Variants in ERICH6B observed in about 807,000 individuals in gnomAD.
The protein encoded by ERICH6B is glutamate rich 6B.
Under a neutral mutation model 80.0 loss-of-function variants are expected in ERICH6B, and 69 were observed. The observed-to-expected ratio is 0.86, with a 90% confidence interval of 0.71 to 1.05. The LOEUF (loss-of-function observed/expected upper bound fraction) is 1.05. Among genes scored for constraint, ERICH6B ranks in the 50% least tolerant of loss-of-function variants. The probability of loss-of-function intolerance (pLI) is 0.00; values close to 1 mark genes in which losing one functional copy is unlikely to be tolerated. For missense variants in ERICH6B, 754 were observed against 796.1 expected (o/e 0.95, Z 0.64); for synonymous variants, 283 against 291.9 (o/e 0.97, Z 0.31).
intron 4 of ERICH6B, 84 bp downstream of exon 4, chr13:45,590,565 C>T: frequency 7.5e-7 from 1 of 1,336,532 alleles, no homozygotes; most frequent in East Asian, 2.5e-5. Flanking sequence ...ATGCCACTCC[C>T]TGTCCTGTGT....
At chr13:45,560,373 T>C (rs1184948490) in intron 11 of ERICH6B, among the ~76,000 whole-genome samples, 1 of 152,134 alleles carries the variant, frequency 6.6e-6, no homozygotes, top group Non-Finnish European at 1.5e-5. Flanking sequence ...AAAGTACAGT[T>C]TCCCATATAT....
intron 5 of ERICH6B, among the ~76,000 whole-genome samples, chr13:45,581,316 T>C (rs1875654828): frequency 6.6e-6 from 1 of 152,228 alleles, no homozygotes; most frequent in African/African-American, 2.4e-5. Flanking sequence ...GAATGCTAAA[T>C]ACATGTGTGT....
chr13:45,607,233 C>G (rs967780576), intron 2 of ERICH6B, among the ~76,000 whole-genome samples: 2 of 152,142 alleles, frequency 1.3e-5, no homozygotes, highest in African/African-American at 4.8e-5. Context: ...ACAAACTTAT[C>G]AGGAGGACTC....
chr13:45,580,166 C>T lies in ERICH6B; in HGVS notation c.920-192G>A, dbSNP rs530230002. Among the ~76,000 whole-genome samples, 25 of 152,224 alleles carry T rather than the reference C, an allele frequency of 1.6e-4. No homozygotes were observed. In the East Asian group the frequency reaches 4.3e-3, roughly 26 times the overall value. On this transcript the variant is annotated intron_variant, in intron 6 of 14. Coordinates refer to ENST00000298738, the MANE Select transcript of ERICH6B (RefSeq NM_182542.3). ...TTGGAGGCCCGCAGAACATGCTCAC[C>T]GAATATTGATTCCCCTCCCTTTATT... is the stretch of plus-strand genomic sequence containing the variant.
At chr13:45,552,179 G>A (rs1874249145) in intron 11 of ERICH6B, among the ~76,000 whole-genome samples, 1 of 152,210 alleles carries the variant, frequency 6.6e-6, no homozygotes, top group African/African-American at 2.4e-5. Context: ...ACTGGGGCAA[G>A]AGAACATAGC....
intron 9 of ERICH6B, among the ~76,000 whole-genome samples, chr13:45,564,139 T>A (rs906583511): frequency 1.3e-4 from 20 of 152,210 alleles, no homozygotes; most frequent in Admixed American, 1.1e-3. Context: ...ACAGATGGAT[T>A]TGATTTTCTG....
chr13:45,607,945 A>T (rs1306555322), intron 1 of ERICH6B, among the ~76,000 whole-genome samples: 1 of 152,208 alleles, frequency 6.6e-6, no homozygotes, highest in Non-Finnish European at 1.5e-5. Context: ...TTTTTGAGGG[A>T]AACAGTGATA....
chr13:45,609,494 CATA>C lies in ERICH6B; in HGVS notation c.-110-1882_-110-1880del, dbSNP rs1949887634. On this transcript the variant is annotated intron_variant, in intron 1 of 14. Transcript: ENST00000298738. Reference sequence around the variant, plus strand: ...TATTATCATGTTGTTTTAGTTTCCTCATAATATTTGTTACTCCTGAACATACCA... The same window carrying C: ...TATTATCATGTTGTTTTAGTTTCCTCATATTTGTTACTCCTGAACATACCA... 2.0e-5 allele frequency among the ~76,000 whole-genome samples: 3 copies of C among 152,244 alleles called. No homozygotes were observed. The South Asian group carries it at 6.2e-4, about 32-fold the overall frequency.
Position 45,587,250 on chromosome 13 carries a change from A to G in ERICH6B, c.687-18T>C. 1 of 1,550,860 alleles carries G rather than the reference A, an allele frequency of 6.4e-7. No homozygotes were observed. Among genetic ancestry groups the G allele is most frequent in the Non-Finnish European group, 8.7e-7 (1 of 1,146,582 alleles). On this transcript the variant is annotated intron_variant, in intron 4 of 14. Transcript: ENST00000298738. ...CTGGACTCCTGTCAGAGGGGAGAAC[A>G]GGAAGGTCAACTTCCAGACAGGGGC...
At chr13:45,563,442 T>C (rs953831810) in intron 10 of ERICH6B, among the ~76,000 whole-genome samples, 6 of 152,084 alleles carry the variant, frequency 3.9e-5, no homozygotes, top group African/African-American at 1.4e-4. Flanking sequence ...GCATCCTTAT[T>C]GGGAAGTAAG....
Position 45,544,899 on chromosome 13 carries a change from A to G in ERICH6B, c.1733T>C (p.Val578Ala). The G allele has an allele frequency of 1.1e-5, 17 of 1,551,724 alleles. No individual in the cohort carries two copies. The highest frequency in any genetic ancestry group is 2.4e-5 in the East Asian group (1 of 40,914). The stretch of plus-strand genomic sequence containing the variant: ...GATGGGCTGGACAGGGGGTGCGTGG[A>G]CATGGATGTTCAGATTCCACCAGTT... ...AWNWWNLNIH[V>A]HAPPVQPISL... The change falls in exon 14 of 15, where the codon GTC (valine) becomes GCC (alanine). Residue 578 changes from valine to alanine, a missense_variant. Physicochemically the swap from Val to Ala is moderately conservative, Grantham distance 64 (BLOSUM62 0). Coordinates refer to ENST00000298738, the MANE Select transcript of ERICH6B (RefSeq NM_182542.3).
chr13:45,552,625 T>C (rs1331780073), intron 11 of ERICH6B, among the ~76,000 whole-genome samples: 1 of 152,006 alleles, frequency 6.6e-6, no homozygotes, highest in African/African-American at 2.4e-5. Context: ...ATAGTTTTTC[T>C]AACCAAGTGA....
chr13:45,565,208 G>T (rs568570383), intron 9 of ERICH6B, among the ~76,000 whole-genome samples: 46 of 152,232 alleles, frequency 3.0e-4, no homozygotes, highest in African/African-American at 1.0e-3. Context: ...AGCCCTGGGG[G>T]TCTCTTGCCC....
At chr13:45,593,358 C>T (rs1876233162) in intron 3 of ERICH6B, among the ~76,000 whole-genome samples, 1 of 152,088 alleles carries the variant, frequency 6.6e-6, no homozygotes, top group Admixed American at 6.6e-5. Context: ...GGTAATGTGG[C>T]TAGGGGTGTG....
chr13:45,588,217 T>C (rs2138011495), intron 4 of ERICH6B, among the ~76,000 whole-genome samples: 1 of 152,222 alleles, frequency 6.6e-6, no homozygotes, highest in South Asian at 2.1e-4. Flanking sequence ...AGCCTGTTTT[T>C]TCTCACAGGT....
At chr13:45,580,511 T>C in intron 6 of ERICH6B, 92 bp downstream of exon 6, 3 of 1,353,170 alleles carry the variant, frequency 2.2e-6, no homozygotes, top group Non-Finnish European at 3.1e-6. Flanking sequence ...CATGCTCTCC[T>C]TGGCTGGGGG....
At chr13:45,563,592 CACA>C (rs1371069935) in intron 10 of ERICH6B, 132 bp downstream of exon 10, 1 of 804,296 alleles carries the variant, frequency 1.2e-6, no homozygotes, top group Admixed American at 2.2e-5. Flanking sequence ...CAGCCAGGAC[CACA>C]TCAGCCCTGT....
chr13:45,601,870 T>A (rs750690451), intron 2 of ERICH6B, among the ~76,000 whole-genome samples: 1 of 152,150 alleles, frequency 6.6e-6, no homozygotes, highest in Non-Finnish European at 1.5e-5. Context: ...CATGACCCAT[T>A]TGAGAACAAC....
chr13:45,593,543 G>T (rs1876240005), intron 3 of ERICH6B, among the ~76,000 whole-genome samples: 1 of 152,156 alleles, frequency 6.6e-6, no homozygotes, highest in Non-Finnish European at 1.5e-5. Context: ...TAGGTCTAAT[G>T]CTGTTCCTAT....
Sources: gnomAD v4.1 joint callset for allele counts (sites outside exome capture counted in the v4.1 genomes callset) on GRCh38, gnomAD v4.1.1 for gene constraint, MANE v1.5 for transcripts, NCBI Gene and HGNC (gene_info 2026-07-23, HGNC 2026-07-21) for gene names.